The following CACNA1B variants were observed in gnomAD, a reference collection of about 807,000 sequenced individuals.
CACNA1B encodes voltage-dependent N-type calcium channel subunit alpha-1B.
CACNA1B carries 70 observed loss-of-function variants against 247.2 expected under a neutral mutation model. The observed-to-expected ratio is 0.28, with a 90% CI of 0.23 to 0.35. The LOEUF is 0.35. Among genes scored for constraint, CACNA1B ranks in the 10% least tolerant of loss-of-function variants. The pLI is 1.00. For missense variants in CACNA1B, 2,367 were observed against 3,197.4 expected (o/e 0.74, Z 6.26); for synonymous variants, 1,231 against 1,294.4 (o/e 0.95, Z 1.05).
rs980519727 is a variant in CACNA1B, at chr9:138,082,042, A to T, written c.5094+3784A>T. On this transcript the variant is annotated intron_variant, in intron 36 of 46. Coordinates refer to ENST00000371372, the MANE Select transcript of CACNA1B (RefSeq NM_000718.4). ...CTAAATGTAAGAGCTATAACTATAA[A>T]GCTCTTAGAAGAAAACATAGTGGGT... Among the ~76,000 whole-genome samples the T allele has an allele frequency of 1.7e-4, 26 of 151,242 alleles. 2 individuals are homozygous for T. Among genetic ancestry groups the T allele is most frequent in the African/African-American group, 6.1e-4 (25 of 40,842 alleles).
intron 10 of CACNA1B, among the ~76,000 whole-genome samples, chr9:137,959,142 G>C (rs928654548): frequency 6.6e-6 from 1 of 151,750 alleles, no homozygotes; most frequent in Non-Finnish European, 1.5e-5. Context: ...GTGCAATCTC[G>C]GCTCACTGCA....
At chr9:137,960,210 G>A in intron 10 of CACNA1B, among the ~76,000 whole-genome samples, 1 of 47,050 alleles carries the variant, frequency 2.1e-5, no homozygotes, top group African/African-American at 7.4e-5. Flanking sequence ...GGGAGGGGGA[G>A]GGAAGGTCGG....
intron 3 of CACNA1B, among the ~76,000 whole-genome samples, chr9:137,883,323 A>T (rs1956955444): frequency 2.6e-5 from 4 of 151,704 alleles, no homozygotes. Flanking sequence ...CCTGCCTGAG[A>T]CGCTCACCTG....
chr9:138,120,865 C>T lies in CACNA1B; in HGVS notation c.6473C>T (p.Pro2158Leu), dbSNP rs201591318. The T allele has an allele frequency of 1.6e-5, 25 of 1,571,206 alleles. No individual in the cohort carries two copies. Among genetic ancestry groups the T allele is most frequent in the South Asian group, 8.2e-5 (7 of 85,328 alleles). ...ACGTCGCCAACAGCTGGCCAGGAGC[C>T]GGGACCCCACCCACAGGTAAGAGGA... ...HPTSPTAGQE[P>L]GPHPQGSGSV... Residue 2158 changes from proline (P) to leucine (L), a missense_variant, in exon 46 of 47, where the codon CCG (proline) becomes CTG (leucine). Pro to Leu is a moderately conservative substitution (Grantham distance 98). Transcript: ENST00000371372.
In CACNA1B at chr9:137,969,020, G is replaced by A. The variant is rs560807925; in HGVS notation, c.1334-2363G>A. ...GCTGTGATTCCAGAGATGTTTCCGC[G>A]TTTCCTGTAGACTCTCTGCTTTTAC... On this transcript the variant is annotated intron_variant, in intron 10 of 46. Coordinates refer to ENST00000371372, the MANE Select transcript of CACNA1B (RefSeq NM_000718.4). Among the ~76,000 whole-genome samples the A allele has an allele frequency of 1.2e-4, 19 of 152,344 alleles. 1 individual carries two copies. The highest frequency in any genetic ancestry group is 1.0e-3 in the South Asian group (5 of 4,826).
chr9:137,901,349 G>A (rs772264509), intron 3 of CACNA1B, among the ~76,000 whole-genome samples: 42 of 151,258 alleles, frequency 2.8e-4, no homozygotes, highest in Middle Eastern at 6.8e-3. Context: ...TCCTGTGTCC[G>A]TGTGTCTGTG....
intron 15 of CACNA1B, among the ~76,000 whole-genome samples, chr9:138,005,097 A>G (rs1015308538): frequency 6.6e-6 from 1 of 152,234 alleles, no homozygotes; most frequent in African/African-American, 2.4e-5. Context: ...GAGCCATACC[A>G]CAAAAATCCC....
chr9:137,879,188 G>A, intron 2 of CACNA1B, 29 bp downstream of exon 2: 1 of 1,473,430 alleles, frequency 6.8e-7, no homozygotes, highest in Non-Finnish European at 9.4e-7. Flanking sequence ...CTGAGGGCAG[G>A]GTGGTGGGGA....
At chr9:137,931,955 T>A (rs868081034) in intron 6 of CACNA1B, among the ~76,000 whole-genome samples, 11 of 152,162 alleles carry the variant, frequency 7.2e-5, no homozygotes, top group African/African-American at 2.7e-4. Context: ...GCTGTTGTCG[T>A]ATCTTAGGGG....
intron 7 of CACNA1B, among the ~76,000 whole-genome samples, chr9:137,953,723 A>C (rs1229573695): frequency 1.3e-5 from 2 of 152,096 alleles, no homozygotes; most frequent in African/African-American, 4.8e-5. Flanking sequence ...CAGGCAGAGA[A>C]CAGCTGGGGT....
At chr9:137,916,229 C>T (rs141621419) in intron 5 of CACNA1B, among the ~76,000 whole-genome samples, 1,839 of 152,156 alleles carry the variant, frequency 0.012, 34 homozygotes, top group African/African-American at 0.042. Flanking sequence ...GACAGGGTTT[C>T]ACCATGTTGC....
chr9:137,940,938 C>A (rs1395921307), intron 6 of CACNA1B, among the ~76,000 whole-genome samples: 1 of 152,142 alleles, frequency 6.6e-6, no homozygotes, highest in Non-Finnish European at 1.5e-5. Flanking sequence ...TCATCTATGA[C>A]AAACCCACAG....
At chr9:138,013,038 C>A in intron 17 of CACNA1B, 91 bp from the exon 18 acceptor site, 2 of 924,566 alleles carry the variant, frequency 2.2e-6, no homozygotes, top group Non-Finnish European at 3.4e-6. Flanking sequence ...TTTTTGAGGC[C>A]CCTGGAGGAA....
chr9:138,024,871 T>A, intron 19 of CACNA1B, 84 bp from the exon 20 acceptor site: 1 of 942,998 alleles, frequency 1.1e-6, no homozygotes, highest in African/African-American at 1.6e-5. Flanking sequence ...TGGGCTCAAG[T>A]GATCCTCCTG....
intron 20 of CACNA1B, among the ~76,000 whole-genome samples, chr9:138,028,911 TCA>T (rs1958954072): frequency 6.6e-6 from 1 of 152,166 alleles, no homozygotes; most frequent in Non-Finnish European, 1.5e-5. Flanking sequence ...GGACCTCTAT[TCA>T]GCATATGGCT....
At chr9:137,953,126 C>T (rs1957898731) in intron 7 of CACNA1B, among the ~76,000 whole-genome samples, 1 of 152,174 alleles carries the variant, frequency 6.6e-6, no homozygotes, top group Non-Finnish European at 1.5e-5. Flanking sequence ...ACAGCCCCTC[C>T]TGTCCCACCC....
chr9:137,956,003 C>T (rs1166788622), intron 8 of CACNA1B, among the ~76,000 whole-genome samples, 190 bp downstream of exon 8: 2 of 152,322 alleles, frequency 1.3e-5, no homozygotes, highest in Admixed American at 6.5e-5. Flanking sequence ...CCATATGGCT[C>T]TGAGGACAGT....
Position 137,882,981 on chromosome 9 carries a change from T to G in CACNA1B, c.530+98T>G, listed in dbSNP as rs1463050429. 4 of 1,340,410 alleles carry G rather than the reference T, an allele frequency of 3.0e-6. No homozygotes were observed. In the African/African-American group the frequency reaches 4.4e-5, roughly 15 times the overall value. The allele number at this position is 1,340,410 out of a possible 1,614,324, so 83.0% of individuals were successfully genotyped here. A position where few individuals can be genotyped will look rare whatever the true frequency, so the allele number is the denominator to read the frequency against. On this transcript the variant is annotated intron_variant, in intron 3 of 46. Transcript: ENST00000371372. This position sits in a 1 kb window ranked among gnomAD's most constrained non-coding sequence, Gnocchi z 4.0. Reference sequence around the variant, plus strand: ...TGGAGCTGGGGCAGCTGCAGTCCCCTCACTGGGGTCCCCTCACAGCCCTGC... The same window carrying G: ...TGGAGCTGGGGCAGCTGCAGTCCCCGCACTGGGGTCCCCTCACAGCCCTGC...
At chr9:138,075,950 C>G (rs201920560) in intron 35 of CACNA1B, 40 bp downstream of exon 35, 2 of 1,317,298 alleles carry the variant, frequency 1.5e-6, no homozygotes, top group Admixed American at 3.7e-5. Flanking sequence ...TCTGCTCTTC[C>G]GTCGGGGGCT....
Sources: allele counts gnomAD v4.1 joint callset (sites outside exome capture counted in the v4.1 genomes callset), GRCh38; gene constraint gnomAD v4.1.1; non-coding constraint Gnocchi (gnomAD v3.1); transcripts MANE v1.5; gene names NCBI Gene and HGNC (gene_info 2026-07-23, HGNC 2026-07-21).